The following SLAMF9 variants were observed in gnomAD, a reference collection of about 807,000 sequenced individuals.
The protein encoded by SLAMF9 is CD2 family member 10.
A neutral mutation model predicts 30.4 loss-of-function variants in SLAMF9; 25 were observed. That is an observed-to-expected ratio of 0.82 (90% CI 0.60 to 1.15). The LOEUF is 1.15. Among genes scored for constraint, SLAMF9 ranks in the 50% most tolerant of loss-of-function variants. SLAMF9 has a pLI of 0.00. For missense variants in SLAMF9, 344 were observed against 346.1 expected, an observed-to-expected ratio of 0.99 and a Z score of 0.05; for synonymous variants, 129 against 127.2, an observed-to-expected ratio of 1.01 and a Z score of -0.09.
the SLAMF9 span, among the ~76,000 whole-genome samples, chr1:159,969,204 A>G: frequency 6.7e-6 from 1 of 149,010 alleles, no homozygotes; most frequent in Non-Finnish European, 1.5e-5. Context: ...GTTTTCTATG[A>G]TGGACAATTT....
Position 159,952,406 on chromosome 1 carries a change from C to G in SLAMF9, c.520G>C (p.Asp174His), listed in dbSNP as rs780139540. ...DMTYSWLSRG[D>H]STYTFHEGPV... Reference sequence around the variant, plus strand: ...CCTTCATGGAATGTATAAGTGCTATCCCCCCGGGAGAGCCAGCTGTAGGTC... The same window carrying G: ...CCTTCATGGAATGTATAAGTGCTATGCCCCCGGGAGAGCCAGCTGTAGGTC... Residue 174 changes from aspartate to histidine, a missense_variant, in exon 3 of 4, where the codon GAT becomes CAT. Physicochemically the swap from Asp to His is moderately conservative, Grantham distance 81. Transcript: ENST00000368093. The G allele has an allele frequency of 1.2e-6, 2 of 1,613,852 alleles. No homozygotes were observed.
At chr1:159,958,471 T>A (rs1651977023), upstream of SLAMF9, among the ~76,000 whole-genome samples, 4 of 152,042 alleles carry the variant, frequency 2.6e-5, no homozygotes, top group South Asian at 8.3e-4. Context: ...TTTTTTTTTT[T>A]TTATTAAGAG....
At chr1:159,962,985 C>G in the SLAMF9 span, among the ~76,000 whole-genome samples, 10 of 152,170 alleles carry the variant, frequency 6.6e-5, no homozygotes, top group Non-Finnish European at 1.2e-4. Context: ...CAAGGCTGCC[C>G]TTACCTTTTT....
the SLAMF9 span, chr1:159,972,962 C>A: frequency 8.5e-7 from 1 of 1,178,574 alleles, no homozygotes; most frequent in Non-Finnish European, 1.1e-6. Context: ...GATGCCCAGA[C>A]CCCTGGGGGC....
the SLAMF9 span, among the ~76,000 whole-genome samples, chr1:159,963,740 A>G: frequency 6.6e-6 from 1 of 152,168 alleles, no homozygotes; most frequent in African/African-American, 2.4e-5. Context: ...TACCACCTGC[A>G]TCATAATCAA....
chr1:159,952,228 A>G, intron 3 of SLAMF9, 34 bp downstream of exon 3: 1 of 1,610,388 alleles, frequency 6.2e-7, no homozygotes, highest in Non-Finnish European at 8.5e-7. Flanking sequence ...ACTATCTTTC[A>G]TGAGCTCAGG....
the SLAMF9 span, among the ~76,000 whole-genome samples, chr1:159,981,045 G>T: frequency 2.0e-5 from 3 of 152,196 alleles, no homozygotes; most frequent in African/African-American, 7.2e-5. Flanking sequence ...TTCTGTGATG[G>T]GCTGAATTGT....
the SLAMF9 span, chr1:159,965,476 C>T: frequency 6.6e-6 from 1 of 152,184 alleles, no homozygotes; most frequent in Non-Finnish European, 1.5e-5. Context: ...ACTCTGATGA[C>T]AATCTATGGT....
At chr1:159,972,886 C>T in the SLAMF9 span, 1 of 994,160 alleles carries the variant, frequency 1.0e-6, no homozygotes. Flanking sequence ...CACCCAAGAC[C>T]CTGGCTCCCT....
chr1:159,967,330 A>C, the SLAMF9 span, among the ~76,000 whole-genome samples: 4 of 152,184 alleles, frequency 2.6e-5, no homozygotes, highest in Admixed American at 2.6e-4. Context: ...ATCTAATTTC[A>C]TTCTTCTGAA....
At position 159,953,361 on chromosome 1, in the gene SLAMF9, G is replaced by T. The variant is rs1557943033; in HGVS notation, c.339C>A (p.Asn113Lys). Reference protein sequence around the residue: ...EDSGLYQAQVNLRTSQISTMQ... With the variant: ...EDSGLYQAQVKLRTSQISTMQ... ...TGGTAGAGATCTGGGATGTTCTCAGGTTGACTTGAGCTTGGTAAAGCCCTG... is the reference window on the plus strand; with the variant it reads ...TGGTAGAGATCTGGGATGTTCTCAGTTTGACTTGAGCTTGGTAAAGCCCTG... Residue 113 changes from asparagine to lysine, a missense_variant, in exon 2 of 4, where the codon AAC becomes AAA. Asn to Lys is a moderately conservative substitution (Grantham distance 94). Transcript: ENST00000368093. 1.2e-6 allele frequency: 2 copies of T among 1,613,520 alleles called. No individual in the cohort carries two copies. The highest frequency in any genetic ancestry group is 1.7e-6 in the Non-Finnish European group (2 of 1,179,442).
chr1:159,973,710 G>A, the SLAMF9 span: 33 of 1,250,956 alleles, frequency 2.6e-5, 1 homozygote, highest in Middle Eastern at 9.6e-4. Context: ...CCAGAGACAG[G>A]GGTCCTGTCC....
At chr1:159,968,893 A>G in the SLAMF9 span, among the ~76,000 whole-genome samples, 1 of 152,160 alleles carries the variant, frequency 6.6e-6, no homozygotes, top group Non-Finnish European at 1.5e-5. Context: ...TCTACTAAAA[A>G]AAACAAAAAT....
chr1:159,958,279 C>A (rs1651972475), upstream of SLAMF9, among the ~76,000 whole-genome samples: 1 of 152,174 alleles, frequency 6.6e-6, no homozygotes, highest in South Asian at 2.1e-4. Flanking sequence ...AGTGAGTATG[C>A]TGATAGCCAG....
chr1:159,964,886 G>A, the SLAMF9 span, among the ~76,000 whole-genome samples: 1 of 152,182 alleles, frequency 6.6e-6, no homozygotes, highest in Non-Finnish European at 1.5e-5. Context: ...AAGCACAAAG[G>A]AAACAGAGGG....
chr1:159,975,858 G>A, the SLAMF9 span, among the ~76,000 whole-genome samples: 15 of 152,306 alleles, frequency 9.8e-5, no homozygotes, highest in South Asian at 3.1e-3. Context: ...AGGAAATTGA[G>A]GGCAAGACGC....
the SLAMF9 span, chr1:159,973,717 G>C: frequency 7.5e-7 from 1 of 1,335,386 alleles, no homozygotes; most frequent in Non-Finnish European, 1.1e-6. Flanking sequence ...CAGGGGTCCT[G>C]TCCAGAGAGC....
At chr1:159,973,197 T>A in the SLAMF9 span, 8 of 1,435,282 alleles carry the variant, frequency 5.6e-6, no homozygotes, top group South Asian at 9.2e-5. Context: ...GGGGTGCAGC[T>A]TTGTTTGACA....
chr1:159,960,063 G>A, the SLAMF9 span, among the ~76,000 whole-genome samples: 1 of 151,560 alleles, frequency 6.6e-6, no homozygotes, highest in African/African-American at 2.4e-5. Context: ...TGTGCACAAC[G>A]TGCAGGTTTG....
Sources: gnomAD v4.1 joint callset for allele counts (sites outside exome capture counted in the v4.1 genomes callset) on GRCh38, gnomAD v4.1.1 for gene constraint, MANE v1.5 for transcripts, NCBI Gene and HGNC (gene_info 2026-07-23, HGNC 2026-07-21) for gene names.